Variants in MYO1C observed in about 807,000 individuals in gnomAD.
MYO1C encodes the protein myosin IC.
In MYO1C, 104 loss-of-function variants were observed where a neutral mutation model predicts 150.8. The observed-to-expected ratio is 0.69, with a 90% CI of 0.59 to 0.81. MYO1C has a LOEUF of 0.81. Ranked by LOEUF, MYO1C falls within the 30% of genes least tolerant of loss-of-function variation. The pLI is 0.00. For missense variants in MYO1C, 1,504 were observed against 1,435.0 expected (o/e 1.05, Z -0.78); for synonymous variants, 663 against 579.9 (o/e 1.14, Z -2.06).
At chr17:1,471,759 G>A in intron 19 of MYO1C, 148 bp downstream of exon 19, 4 of 858,344 alleles carry the variant, frequency 4.7e-6, no homozygotes, top group Non-Finnish European at 7.6e-6. Flanking sequence ...CAGGACCGCA[G>A]CACCAAGGGC....
chr17:1,488,215 C>T (rs1482282624), intron 1 of MYO1C, among the ~76,000 whole-genome samples: 1 of 152,078 alleles, frequency 6.6e-6, no homozygotes, highest in Non-Finnish European at 1.5e-5. Flanking sequence ...GGGGTCGGGC[C>T]CGCTTCTTCC....
intron 1 of MYO1C, among the ~76,000 whole-genome samples, chr17:1,489,472 C>T (rs1019931136): frequency 9.2e-5 from 14 of 152,276 alleles, no homozygotes; most frequent in African/African-American, 3.1e-4. Flanking sequence ...GCCAGGAGTT[C>T]AAGACCAGCC....
Position 1,479,275 on chromosome 17 carries a change from G to T in MYO1C, c.1092+156C>A, listed in dbSNP as rs1567527208. Among the ~76,000 whole-genome samples, 1 of 152,158 alleles carries T rather than the reference G, an allele frequency of 6.6e-6. No individual in the cohort carries two copies. Among genetic ancestry groups the T allele is most frequent in the Non-Finnish European group, 1.5e-5 (1 of 68,036 alleles). ...CCCCAAGTGCTGGGGTTACAGGCGTGAGCCACGGCGCTCGGCTCTCACTCT... is the reference window on the plus strand; with the variant it reads ...CCCCAAGTGCTGGGGTTACAGGCGTTAGCCACGGCGCTCGGCTCTCACTCT... On this transcript the variant is annotated intron_variant, in intron 9 of 31. Transcript: ENST00000648651. This position sits in a 1 kb window ranked among gnomAD's most constrained non-coding sequence, Gnocchi z 4.2.
At position 1,479,064 on chromosome 17, in the gene MYO1C, G is replaced by A. The variant is rs115392502; in HGVS notation, c.1093-329C>T. Among the ~76,000 whole-genome samples the A allele has an allele frequency of 0.011, 1,697 of 152,098 alleles. 36 individuals carry two copies. The highest frequency in any genetic ancestry group is 0.039 in the African/African-American group (1,603 of 41,480). On this transcript the variant is annotated intron_variant, in intron 9 of 31. Transcript: ENST00000648651. This position sits in a 1 kb window ranked among gnomAD's most constrained non-coding sequence, Gnocchi z 4.2. ...AGTCTAGCTCTGTTGCCGTGATCTC[G>A]GCTCACTGCAACCTCCACCTCCCGG... is the stretch of plus-strand genomic sequence containing the variant.
intron 21 of MYO1C, 49 bp downstream of exon 21, chr17:1,471,022 C>T (rs560534468): frequency 2.0e-5 from 32 of 1,590,540 alleles, no homozygotes; most frequent in Middle Eastern, 3.5e-4. Flanking sequence ...GACTTCCCTG[C>T]TTCCCAGAAG....
chr17:1,479,855 C>G lies in MYO1C; in HGVS notation c.907-150G>C, dbSNP rs1598338761. On this transcript the variant is annotated intron_variant, in intron 7 of 31. Coordinates refer to ENST00000648651, the MANE Select transcript of MYO1C (RefSeq NM_001080779.2). This position sits in a 1 kb window ranked among gnomAD's most constrained non-coding sequence, Gnocchi z 4.2. The stretch of plus-strand genomic sequence containing the variant: ...TGGGTGTTAAAGGTGGAAGGTGATT[C>G]TGCGGGTGGGATGGGCACGGTGGCT... 1 of 641,848 alleles carries G rather than the reference C, an allele frequency of 1.6e-6. No individual in the cohort carries two copies. Among genetic ancestry groups the G allele is most frequent in the Non-Finnish European group, 2.8e-6 (1 of 360,422 alleles). 39.8% of individuals were successfully genotyped at this position (641,848 alleles called of 1,614,324 possible).
intron 1 of MYO1C, among the ~76,000 whole-genome samples, 174 bp downstream of exon 1, chr17:1,492,239 C>T (rs1008485924): frequency 1.3e-5 from 2 of 152,220 alleles, no homozygotes; most frequent in Non-Finnish European, 2.9e-5. Context: ...TGCTAGTGGC[C>T]CTTGCATCCT....
Position 1,491,758 on chromosome 17 carries a change from C to T in MYO1C, c.75+655G>A, listed in dbSNP as rs2074737974. 6.7e-6 allele frequency: 4 copies of T among 600,888 alleles called. No homozygotes were observed. The South Asian group carries it at 2.2e-4, about 33-fold the overall frequency. 37.2% of individuals were successfully genotyped at this position (600,888 alleles called of 1,614,324 possible). ...GGCCGCGCACCCTCCGGCCCCGCCC[C>T]GCCCCGCCTCAGCCCCGGCCGCGTC... On this transcript the variant is annotated intron_variant, in intron 1 of 31. Transcript: ENST00000648651.
chr17:1,480,984 C>T (rs2074508874), intron 5 of MYO1C, 99 bp from the exon 6 acceptor site: 7 of 1,342,136 alleles, frequency 5.2e-6, no homozygotes, highest in Non-Finnish European at 6.2e-6. Context: ...GGCAGCCAGA[C>T]CTGGATGCCA....
chr17:1,467,161 T>G, intron 31 of MYO1C, 81 bp downstream of exon 31: 1 of 1,327,466 alleles, frequency 7.5e-7, no homozygotes, highest in Non-Finnish European at 1.1e-6. Flanking sequence ...CATGGTGAGG[T>G]GCCTGGGCTC....
rs2074255748 is a variant in MYO1C, at chr17:1,469,552, G to A, written c.2589C>T (p.Ile863=). The A allele has an allele frequency of 6.2e-7, 1 of 1,612,886 alleles. No homozygotes were observed. The highest frequency in any genetic ancestry group is 8.5e-7 in the Non-Finnish European group (1 of 1,179,558). ...KNMVWKYCRS[I]SPEWKQQLQQ... The stretch of plus-strand genomic sequence containing the variant: ...GTACCTGCTGCTTCCACTCAGGGCT[G>A]ATACTCCGGCAGTATTTCCACACCA... The change falls in exon 25 of 32, where the codon ATC becomes ATT. Residue 863 remains isoleucine (I), a synonymous_variant. Transcript: ENST00000648651.
At chr17:1,468,759 C>T in intron 25 of MYO1C, 1 of 548,978 alleles carries the variant, frequency 1.8e-6, no homozygotes, top group South Asian at 2.0e-5. Context: ...TTCCCCACCC[C>T]ATCAGGCCCT....
Position 1,468,320 on chromosome 17 carries a change from A to G in MYO1C, c.2705-12T>C. 1.2e-6 allele frequency: 2 copies of G among 1,614,056 alleles called. No individual in the cohort carries two copies. Among genetic ancestry groups the G allele is most frequent in the Non-Finnish European group, 1.7e-6 (2 of 1,180,000 alleles). Reference sequence around the variant, plus strand: ...GATCTCATCTGTACCTGCAACTCAGATGGCGGGGAGGGAAGTCAGTGGAGG... The same window carrying G: ...GATCTCATCTGTACCTGCAACTCAGGTGGCGGGGAGGGAAGTCAGTGGAGG... On this transcript the variant is annotated splice_polypyrimidine_tract_variant and intron_variant, in intron 26 of 31. Transcript: ENST00000648651.
At position 1,474,599 on chromosome 17, in the gene MYO1C, C is replaced by T. The variant is rs1228338287; in HGVS notation, c.1797+11G>A. The T allele has an allele frequency of 1.5e-5, 24 of 1,613,510 alleles. No homozygotes were observed. The highest frequency in any genetic ancestry group is 1.9e-5 in the Non-Finnish European group (22 of 1,179,904). On this transcript the variant is annotated intron_variant, in intron 17 of 31. Coordinates refer to ENST00000648651, the MANE Select transcript of MYO1C (RefSeq NM_001080779.2). The stretch of plus-strand genomic sequence containing the variant: ...CATGCACCCCTGCGCCCGGTCCCGC[C>T]ACCTCCTCACCGTCTCTGGCCGCTT...
intron 1 of MYO1C, chr17:1,492,124 G>A (rs1393639956): frequency 4.3e-6 from 2 of 462,668 alleles, no homozygotes; most frequent in African/African-American, 4.0e-5. Context: ...CGACCTCACA[G>A]CAGCCGGCAC....
At chr17:1,467,373 AT>A in intron 30 of MYO1C, 32 bp from the exon 31 acceptor site, 1 of 1,602,158 alleles carries the variant, frequency 6.2e-7, no homozygotes, top group Non-Finnish European at 8.5e-7. Flanking sequence ...GGGTTTTTCC[AT>A]GGAGGCAGAC....
chr17:1,473,280 G>A (rs1292039271), intron 17 of MYO1C, among the ~76,000 whole-genome samples: 1 of 152,176 alleles, frequency 6.6e-6, no homozygotes, highest in African/African-American at 2.4e-5. Context: ...GAGAAAGCCT[G>A]GAGGGGCAGA....
chr17:1,479,731 G>C lies in MYO1C; in HGVS notation c.907-26C>G. The C allele has an allele frequency of 6.5e-7, 1 of 1,546,546 alleles. No homozygotes were observed. The highest frequency in any genetic ancestry group is 8.8e-7 in the Non-Finnish European group (1 of 1,130,462). On this transcript the variant is annotated intron_variant, in intron 7 of 31. Coordinates refer to ENST00000648651, the MANE Select transcript of MYO1C (RefSeq NM_001080779.2). This position sits in a 1 kb window ranked among gnomAD's most constrained non-coding sequence, Gnocchi z 4.2. ...CTGGGGGAGCAGGCCGGGGGCAGGA[G>C]GGGGTGAGAGGGGCCAGAGAGCCCC... is the stretch of plus-strand genomic sequence containing the variant.
chr17:1,481,249 G>C (rs1184360608), intron 5 of MYO1C: 1 of 293,638 alleles, frequency 3.4e-6, no homozygotes, highest in African/African-American at 2.2e-5. Flanking sequence ...CAAGGACTTG[G>C]CAGTCCTCCT....
Sources: allele counts gnomAD v4.1 joint callset (sites outside exome capture counted in the v4.1 genomes callset), GRCh38; gene constraint gnomAD v4.1.1; non-coding constraint Gnocchi (gnomAD v3.1); transcripts MANE v1.5; gene names NCBI Gene and HGNC (gene_info 2026-07-23, HGNC 2026-07-21).